GRAMD1C: variants seen among roughly 807,000 people sequenced by gnomAD.
GRAMD1C encodes the protein protein Aster-C.
A neutral mutation model predicts 97.8 loss-of-function variants in GRAMD1C; 89 were observed. The ratio of observed to expected loss-of-function variants is 0.91; its 90% CI spans 0.77 to 1.09. The LOEUF (loss-of-function observed/expected upper bound fraction) is 1.09, where lower values mean the gene tolerates loss of function less well. GRAMD1C is among the 50% of genes least tolerant of loss of function. The pLI, the probability that GRAMD1C is intolerant of heterozygous loss-of-function variation, is 0.00. For synonymous variants in GRAMD1C, 256 were observed against 267.0 expected, an observed-to-expected ratio of 0.96 and a Z score of 0.40; for missense variants, 740 against 766.4, an observed-to-expected ratio of 0.97 and a Z score of 0.41.
In GRAMD1C at chr3:113,930,715, T is replaced by G; in HGVS notation, c.1092T>G (p.Asp364Glu). 2.7e-6 allele frequency: 4 copies of G among 1,499,486 alleles called. No homozygotes were observed. Among genetic ancestry groups the G allele is most frequent in the Non-Finnish European group, 3.7e-6 (4 of 1,075,400 alleles). The allele number at this position is 1,499,486 out of a possible 1,614,324, so 92.9% of individuals were successfully genotyped here. Residue 364 changes from aspartate to glutamate, a missense_variant and splice_region_variant, in exon 11 of 18, where the codon GAT becomes GAG. Physicochemically the swap from Asp to Glu is conservative, Grantham distance 45 (BLOSUM62 2). Transcript: ENST00000358160. The stretch of plus-strand genomic sequence containing the variant: ...TCATTTTGTGTTTGTTGTTGTTAGA[T>G]GTAGTATCTACCCCTTGGACTGCAG... ...QKFASSRNII[D>E]VVSTPWTAEL...
intron 6 of GRAMD1C, among the ~76,000 whole-genome samples, chr3:113,890,282 A>G (rs1935666283): frequency 6.6e-6 from 1 of 152,182 alleles, no homozygotes; most frequent in Admixed American, 6.5e-5. Context: ...CCCCAAGTCC[A>G]AGCCCCTGCT....
chr3:113,884,836 CAAAAAA>C (rs1283276038), intron 6 of GRAMD1C, among the ~76,000 whole-genome samples: 1 of 144,476 alleles, frequency 6.9e-6, no homozygotes, highest in African/African-American at 2.5e-5. Flanking sequence ...GACTCTGTCT[CAAAAAA>C]AAGAAAAAAA....
intron 6 of GRAMD1C, among the ~76,000 whole-genome samples, chr3:113,888,756 C>G (rs1467036723): frequency 6.6e-6 from 1 of 152,160 alleles, no homozygotes; most frequent in Admixed American, 6.5e-5. Flanking sequence ...ATGATGCAGC[C>G]ACTTTGAAAA....
In GRAMD1C at chr3:113,878,824, C is replaced by T. The variant is rs144062218; in HGVS notation, c.459+2564C>T. Among the ~76,000 whole-genome samples, 10 of 152,292 alleles carry T rather than the reference C, an allele frequency of 6.6e-5. No homozygotes were observed. In the East Asian group the frequency reaches 1.9e-3, roughly 29 times the overall value. ...AATCTTCATCTCCACTGCCACCCCT[C>T]TCCCACATGGATGCCTCATTGCCTG... is the stretch of plus-strand genomic sequence containing the variant. On this transcript the variant is annotated intron_variant, in intron 5 of 17. Coordinates refer to ENST00000358160, the MANE Select transcript of GRAMD1C (RefSeq NM_017577.5).
At chr3:113,937,113 T>C (rs1050669138) in intron 14 of GRAMD1C, among the ~76,000 whole-genome samples, 2 of 152,234 alleles carry the variant, frequency 1.3e-5, no homozygotes, top group African/African-American at 2.4e-5. Context: ...CCTTATATAC[T>C]GTCAGGGCCA....
At chr3:113,872,581 G>A (rs1390479135) in intron 3 of GRAMD1C, among the ~76,000 whole-genome samples, 3 of 150,502 alleles carry the variant, frequency 2.0e-5, no homozygotes. Flanking sequence ...TTTTAGTAGA[G>A]ATGAGGTTTC....
At chr3:113,870,477 G>T (rs1170451035) in intron 3 of GRAMD1C, among the ~76,000 whole-genome samples, 1 of 152,060 alleles carries the variant, frequency 6.6e-6, no homozygotes, top group African/African-American at 2.4e-5. Context: ...ATGGGTACAA[G>T]AATACAGTTA....
intron 10 of GRAMD1C, among the ~76,000 whole-genome samples, chr3:113,925,742 C>T (rs1438786971): frequency 6.6e-6 from 1 of 152,144 alleles, no homozygotes; most frequent in Non-Finnish European, 1.5e-5. Context: ...ATGTTTAGCA[C>T]CACCTTGAAG....
intron 10 of GRAMD1C, among the ~76,000 whole-genome samples, chr3:113,927,873 C>T (rs749342379): frequency 3.3e-5 from 5 of 152,166 alleles, no homozygotes; most frequent in Non-Finnish European, 7.3e-5. Flanking sequence ...GGACCGTGAC[C>T]GCTATTGGGG....
At chr3:113,875,736 G>A (rs1032989395) in intron 4 of GRAMD1C, 149 bp downstream of exon 4, 1 of 507,966 alleles carries the variant, frequency 2.0e-6, no homozygotes, top group Non-Finnish European at 3.5e-6. Context: ...CAAACGTGTT[G>A]TATATATAAG....
intron 5 of GRAMD1C, among the ~76,000 whole-genome samples, chr3:113,878,161 A>G (rs1283484444): frequency 2.0e-5 from 3 of 152,224 alleles, no homozygotes; most frequent in Non-Finnish European, 4.4e-5. Flanking sequence ...TTATGTCAGT[A>G]TGAACTGGTG....
At chr3:113,855,664 C>G (rs1189446808) in intron 2 of GRAMD1C, among the ~76,000 whole-genome samples, 2 of 150,852 alleles carry the variant, frequency 1.3e-5, no homozygotes, top group East Asian at 3.9e-4. Flanking sequence ...GAGATCACAC[C>G]ACTGTACTCC....
chr3:113,933,074 G>A (rs1346201120), intron 11 of GRAMD1C, among the ~76,000 whole-genome samples: 12 of 151,854 alleles, frequency 7.9e-5, no homozygotes, highest in Non-Finnish European at 1.6e-4. Context: ...TAAGAGAGAC[G>A]AAGTTTTGCC....
upstream of GRAMD1C, chr3:113,838,752 G>A (rs941826594): frequency 1.7e-5 from 7 of 414,624 alleles, no homozygotes; most frequent in African/African-American, 1.0e-4. Flanking sequence ...AATCCTTCAC[G>A]GCCGCCAGAG....
At chr3:113,857,346 C>G (rs951178593) in intron 2 of GRAMD1C, among the ~76,000 whole-genome samples, 6 of 150,004 alleles carry the variant, frequency 4.0e-5, no homozygotes, top group Admixed American at 6.7e-5. Context: ...TGTAGATGCT[C>G]TTAATCAAAT....
chr3:113,874,562 C>T (rs1934954869), intron 3 of GRAMD1C, among the ~76,000 whole-genome samples: 2 of 152,088 alleles, frequency 1.3e-5, no homozygotes, highest in Admixed American at 1.3e-4. Flanking sequence ...CCAGGTTGGT[C>T]TTGAACTTCA....
intron 2 of GRAMD1C, among the ~76,000 whole-genome samples, chr3:113,847,814 C>T (rs1429620437): frequency 6.6e-6 from 1 of 151,958 alleles, no homozygotes; most frequent in Non-Finnish European, 1.5e-5. Flanking sequence ...GAGATCCCAT[C>T]TCTAAAACAA....
In GRAMD1C at chr3:113,830,667, T is replaced by G. The variant is rs567214842; in HGVS notation, n.98+2388T>G. 3.9e-5 allele frequency among the ~76,000 whole-genome samples: 6 copies of G among 152,332 alleles called. No homozygotes were observed. The East Asian group carries it at 9.6e-4, about 24-fold the overall frequency. On this transcript the variant is annotated intron_variant and non_coding_transcript_variant, in intron 1 of 18. Transcript: ENST00000479212. ...ACATAGAAAAAGTACAGTAAAAATA[T>G]TGTACTATAATCTTATGGGACCACT...
At chr3:113,828,791 G>A (rs374373289) in intron 1 of GRAMD1C, among the ~76,000 whole-genome samples, 2 of 151,966 alleles carry the variant, frequency 1.3e-5, no homozygotes, top group Admixed American at 6.6e-5. Flanking sequence ...TTAGTGCCTT[G>A]TCCTCTGCCC....
Sources: allele counts gnomAD v4.1 joint callset (sites outside exome capture counted in the v4.1 genomes callset), GRCh38; gene constraint gnomAD v4.1.1; transcripts MANE v1.5; gene names NCBI Gene and HGNC (gene_info 2026-07-23, HGNC 2026-07-21).